FAT3: variants seen among roughly 807,000 people sequenced by gnomAD.
FAT3 encodes protocadherin Fat 3.
Under a neutral mutation model 310.2 loss-of-function variants are expected in FAT3, and 95 were observed. The ratio of observed to expected loss-of-function variants is 0.31; its 90% CI spans 0.26 to 0.36. The LOEUF (loss-of-function observed/expected upper bound fraction) is 0.36, where lower values mean the gene tolerates loss of function less well. Among genes scored for constraint, FAT3 ranks in the 10% least tolerant of loss-of-function variants. The pLI is 1.00. For missense variants in FAT3, 5,408 were observed against 5,715.6 expected (o/e 0.95, Z 1.74); for synonymous variants, 2,314 against 2,192.9 (o/e 1.06, Z -1.54).
intron 4 of FAT3, among the ~76,000 whole-genome samples, chr11:92,734,852 AGCC>A (rs1195761187): frequency 6.6e-6 from 1 of 152,144 alleles, no homozygotes; most frequent in African/African-American, 2.4e-5. Flanking sequence ...ATGATCCCTG[AGCC>A]TGCAAAAAGG....
chr11:92,334,763 T>C (rs2134551900), intron 1 of FAT3, among the ~76,000 whole-genome samples: 3 of 152,308 alleles, frequency 2.0e-5, no homozygotes, highest in Middle Eastern at 6.8e-3. Flanking sequence ...GCCTCAATTA[T>C]GGAAGATGCC....
At chr11:92,824,514 TACA>T (rs1184965346) in intron 13 of FAT3, among the ~76,000 whole-genome samples, 5 of 152,220 alleles carry the variant, frequency 3.3e-5, no homozygotes, top group Non-Finnish European at 7.3e-5. Context: ...AAGTAGCCTA[TACA>T]ATATGTATCT....
chr11:92,797,770 G>A, intron 9 of FAT3, 66 bp from the exon 10 acceptor site: 2 of 1,388,062 alleles, frequency 1.4e-6, no homozygotes, highest in Non-Finnish European at 2.0e-6. Flanking sequence ...TATAGATAAA[G>A]AGTTAATCAA....
At chr11:92,374,538 G>A (rs16912445) in intron 2 of FAT3, among the ~76,000 whole-genome samples, 11,742 of 152,202 alleles carry the variant, frequency 0.077, 658 homozygotes, top group African/African-American at 0.15. Context: ...TGACTGATTT[G>A]CCACAAACTC....
chr11:92,381,229 G>T (rs1949486320), intron 2 of FAT3, among the ~76,000 whole-genome samples: 1 of 152,170 alleles, frequency 6.6e-6, no homozygotes, highest in East Asian at 1.9e-4. Context: ...TAGGAGTTGG[G>T]CCAGGTGCAG....
At chr11:92,262,496 C>T (rs1865596978) in intron 1 of FAT3, among the ~76,000 whole-genome samples, 1 of 152,034 alleles carries the variant, frequency 6.6e-6, no homozygotes, top group South Asian at 2.1e-4. Context: ...TACCAGTGAT[C>T]CTTGGCCTGG....
At chr11:92,405,544 C>A (rs977628774) in intron 2 of FAT3, among the ~76,000 whole-genome samples, 1 of 152,128 alleles carries the variant, frequency 6.6e-6, no homozygotes, top group Non-Finnish European at 1.5e-5. Context: ...ATCACTTGAG[C>A]CCAAGAGTTT....
At chr11:92,305,895 A>G (rs1378444586) in intron 1 of FAT3, among the ~76,000 whole-genome samples, 5 of 152,126 alleles carry the variant, frequency 3.3e-5, no homozygotes, top group Non-Finnish European at 4.4e-5. Flanking sequence ...CATAAATGGA[A>G]CAATTGGTAA....
chr11:92,581,788 CTGTA>C (rs1188384410), intron 3 of FAT3, among the ~76,000 whole-genome samples: 1 of 151,874 alleles, frequency 6.6e-6, no homozygotes, highest in East Asian at 1.9e-4. Context: ...ATGTAAAATG[CTGTA>C]CATAAATTAT....
intron 3 of FAT3, among the ~76,000 whole-genome samples, chr11:92,566,579 A>C (rs1460555861): frequency 5.3e-5 from 8 of 151,784 alleles, no homozygotes; most frequent in African/African-American, 1.9e-4. Context: ...CGCATTGCCA[A>C]GTCAATCCTA....
chr11:92,648,401 T>A (rs1334341423), intron 3 of FAT3, among the ~76,000 whole-genome samples: 2 of 152,218 alleles, frequency 1.3e-5, no homozygotes, highest in Admixed American at 1.3e-4. Context: ...CCTCCAGGAC[T>A]AAGTCACCAA....
intron 4 of FAT3, among the ~76,000 whole-genome samples, chr11:92,702,425 A>T (rs931024302): frequency 4.6e-5 from 7 of 152,206 alleles, no homozygotes; most frequent in Admixed American, 1.3e-4. Context: ...TTTCGTCTGC[A>T]TGAGCGTTGC....
chr11:92,813,437 T>TC (rs1487325818), intron 13 of FAT3, among the ~76,000 whole-genome samples: 1 of 152,100 alleles, frequency 6.6e-6, no homozygotes, highest in Non-Finnish European at 1.5e-5. Context: ...TCCACAGAGT[T>TC]TATTCAAATT....
chr11:92,386,250 A>G (rs1168910363), intron 2 of FAT3, among the ~76,000 whole-genome samples: 2 of 152,238 alleles, frequency 1.3e-5, no homozygotes, highest in Non-Finnish European at 2.9e-5. Context: ...CTAGCTTGAA[A>G]TCACAGCTCT....
chr11:92,715,330 C>A lies in FAT3; in HGVS notation c.3669+17885C>A, dbSNP rs373583014. Reference sequence around the variant, plus strand: ...GGCTGAGGCAGGAGAATGGTGTGAACCCGGGAGGCAGAGCTTGCAGTGAAC... The same window carrying A: ...GGCTGAGGCAGGAGAATGGTGTGAAACCGGGAGGCAGAGCTTGCAGTGAAC... On this transcript the variant is annotated intron_variant, in intron 4 of 27. Transcript: ENST00000525166. Among the ~76,000 whole-genome samples the A allele has an allele frequency of 8.6e-4, 131 of 151,750 alleles. 4 individuals carry two copies. The East Asian group carries it at 0.023, about 26-fold the overall frequency.
At chr11:92,322,467 A>T (rs1348529586) in intron 1 of FAT3, among the ~76,000 whole-genome samples, 1 of 152,178 alleles carries the variant, frequency 6.6e-6, no homozygotes, top group Non-Finnish European at 1.5e-5. Context: ...CTAAAATAGG[A>T]CAACAATGAA....
chr11:92,535,253 A>G (rs1591416214), intron 3 of FAT3, among the ~76,000 whole-genome samples: 1 of 152,146 alleles, frequency 6.6e-6, no homozygotes, highest in African/African-American at 2.4e-5. Flanking sequence ...CAGAGATTGG[A>G]GTGATGGTGC....
At chr11:92,649,781 A>G (rs932997483) in intron 3 of FAT3, among the ~76,000 whole-genome samples, 7 of 151,680 alleles carry the variant, frequency 4.6e-5, no homozygotes, top group Non-Finnish European at 1.0e-4. Context: ...AGATGGTGAG[A>G]GATCAAAGTG....
intron 4 of FAT3, among the ~76,000 whole-genome samples, chr11:92,747,113 CCCCACATTTTCCTTCTG>C (rs1193321145): frequency 2.6e-5 from 4 of 152,218 alleles, no homozygotes; most frequent in African/African-American, 7.2e-5. Context: ...GGGGCTCCAA[CCCCACATTTTCCTTCTG>C]AACTGCCCTA....
Sources: gnomAD v4.1 joint callset for allele counts (sites outside exome capture counted in the v4.1 genomes callset) on GRCh38, gnomAD v4.1.1 for gene constraint, MANE v1.5 for transcripts, NCBI Gene and HGNC (gene_info 2026-07-23, HGNC 2026-07-21) for gene names.